The following WDR7 variants were observed in gnomAD, a reference collection of about 807,000 sequenced individuals.
WDR7 encodes the protein WD repeat-containing protein 7.
A neutral mutation model predicts 169.4 loss-of-function variants in WDR7; 46 were observed. The ratio of observed to expected loss-of-function variants is 0.27; its 90% CI spans 0.21 to 0.35. The LOEUF (loss-of-function observed/expected upper bound fraction) is 0.35. Among genes scored for constraint, WDR7 ranks in the 10% least tolerant of loss-of-function variants. The pLI is 1.00. For missense variants in WDR7, 1,534 were observed against 1,859.3 expected (o/e 0.83, Z 3.22); for synonymous variants, 612 against 666.8 (o/e 0.92, Z 1.27).
chr18:56,732,999 G>A (rs1467213636), intron 14 of WDR7, among the ~76,000 whole-genome samples: 1 of 152,114 alleles, frequency 6.6e-6, no homozygotes, highest in African/African-American at 2.4e-5. Context: ...AAAATAAGTG[G>A]TACAGTAACA....
chr18:56,902,609 A>C (rs1374577637), intron 21 of WDR7, among the ~76,000 whole-genome samples: 1 of 152,118 alleles, frequency 6.6e-6, no homozygotes, highest in African/African-American at 2.4e-5. Flanking sequence ...TGTCATATGA[A>C]ATTGCCATTT....
rs187535619 is a variant in WDR7 at position 56,897,185 on chromosome 18, A to T, written c.3526+17020A>T. 4.0e-5 allele frequency among the ~76,000 whole-genome samples: 6 copies of T among 151,730 alleles called. No individual in the cohort carries two copies. The East Asian group carries it at 1.2e-3, about 29-fold the overall frequency. ...TTGTGGAGGACTTGGAACAACCAGA[A>T]CTCTTTTATACTTATTATAAGAATG... On this transcript the variant is annotated intron_variant, in intron 21 of 27. Transcript: ENST00000254442.
intron 16 of WDR7, among the ~76,000 whole-genome samples, chr18:56,766,304 T>C (rs1026050472): frequency 3.9e-5 from 6 of 152,106 alleles, no homozygotes; most frequent in African/African-American, 1.4e-4. Context: ...TTTTGAAAAA[T>C]TTTCAATAAT....
chr18:56,997,880 A>G (rs746642367), intron 26 of WDR7, among the ~76,000 whole-genome samples: 14 of 152,178 alleles, frequency 9.2e-5, no homozygotes, highest in Non-Finnish European at 1.5e-4. Context: ...ATTCAATTAT[A>G]TGTCTCCTGA....
At chr18:57,006,515 T>G (rs887569960) in intron 26 of WDR7, among the ~76,000 whole-genome samples, 12 of 152,196 alleles carry the variant, frequency 7.9e-5, no homozygotes, top group Admixed American at 5.2e-4. Context: ...GTTTTGCTTA[T>G]CATTAGGCAG....
chr18:56,989,912 T>C (rs1211649799), intron 26 of WDR7, among the ~76,000 whole-genome samples: 1 of 152,244 alleles, frequency 6.6e-6, no homozygotes, highest in East Asian at 1.9e-4. Context: ...GATTTTAAAC[T>C]AAAATATTTA....
intron 21 of WDR7, among the ~76,000 whole-genome samples, chr18:56,922,267 T>G (rs572504511): frequency 1.3e-5 from 2 of 152,178 alleles, no homozygotes; most frequent in Non-Finnish European, 2.9e-5. Context: ...AAATAATGTG[T>G]GCACTGTGGT....
chr18:56,697,541 A>G (rs1299920527), intron 12 of WDR7, among the ~76,000 whole-genome samples: 2 of 118,584 alleles, frequency 1.7e-5, no homozygotes, highest in East Asian at 5.2e-4. Context: ...TTAATTTCTT[A>G]TTCACTGTGA....
chr18:56,841,503 G>A (rs1264134492), intron 20 of WDR7, among the ~76,000 whole-genome samples: 3 of 145,852 alleles, frequency 2.1e-5, no homozygotes, highest in Admixed American at 1.4e-4. Flanking sequence ...CCAAGATCAC[G>A]CCACTGCACT....
At chr18:56,763,414 G>A (rs979304457) in intron 16 of WDR7, among the ~76,000 whole-genome samples, 7 of 151,902 alleles carry the variant, frequency 4.6e-5, no homozygotes, top group African/African-American at 1.7e-4. Context: ...AAAGTATATT[G>A]ACTTTTAAGT....
In WDR7 at chr18:56,753,685, A is replaced by G. The variant is rs146296815; in HGVS notation, c.1990-2898A>G. On this transcript the variant is annotated intron_variant, in intron 14 of 27. Transcript: ENST00000254442. ...TAGAGTGTGATGATTTGATATACAT[A>G]TATTTGTGGAATAATAGGGTGTCGA... Among the ~76,000 whole-genome samples, 385 of 150,238 alleles carry G rather than the reference A, an allele frequency of 2.6e-3. 4 individuals are homozygous for G. Among genetic ancestry groups the G allele is most frequent in the Middle Eastern group, 0.01 (3 of 286 alleles).
chr18:56,696,524 G>T, intron 12 of WDR7, 62 bp downstream of exon 12: 1 of 1,292,680 alleles, frequency 7.7e-7, no homozygotes, highest in South Asian at 1.4e-5. Context: ...TTACTATCAG[G>T]AATGTAAATG....
At chr18:56,857,666 A>G (rs931006195) in intron 20 of WDR7, among the ~76,000 whole-genome samples, 1 of 152,162 alleles carries the variant, frequency 6.6e-6, no homozygotes, top group Non-Finnish European at 1.5e-5. Context: ...GTGTGTGTGC[A>G]TGTGTGTACA....
At chr18:56,970,401 T>C (rs2047467494) in intron 26 of WDR7, among the ~76,000 whole-genome samples, 1 of 152,218 alleles carries the variant, frequency 6.6e-6, no homozygotes, top group Non-Finnish European at 1.5e-5. Context: ...TCTGTTGTCC[T>C]ACTGATATTC....
chr18:56,939,206 A>G (rs558465169), intron 24 of WDR7, 105 bp from the exon 25 acceptor site: 4 of 697,732 alleles, frequency 5.7e-6, no homozygotes, highest in East Asian at 6.3e-5. Context: ...ACTAAAATAA[A>G]GCTATATAGA....
intron 26 of WDR7, among the ~76,000 whole-genome samples, chr18:56,997,117 C>T (rs2047909134): frequency 1.3e-5 from 2 of 151,968 alleles, no homozygotes; most frequent in South Asian, 4.1e-4. Flanking sequence ...GCATTGAGAC[C>T]TTAAAAAATC....
intron 22 of WDR7, among the ~76,000 whole-genome samples, chr18:56,928,129 A>G (rs150604858): frequency 2.0e-5 from 3 of 152,168 alleles, no homozygotes; most frequent in Non-Finnish European, 4.4e-5. Context: ...TTTATTTGTT[A>G]ATTTCTTGTA....
chr18:57,009,896 A>T, intron 26 of WDR7: 1 of 985,438 alleles, frequency 1.0e-6, no homozygotes, highest in South Asian at 4.7e-5. Context: ...GAAGATCCTG[A>T]CCTACTGCTC....
chr18:56,942,584 G>T (rs1451687374), intron 25 of WDR7, among the ~76,000 whole-genome samples: 1 of 150,880 alleles, frequency 6.6e-6, no homozygotes, highest in Non-Finnish European at 1.5e-5. Context: ...CTTTATTTCA[G>T]TGTTTAACAT....
Sources: allele counts gnomAD v4.1 joint callset (sites outside exome capture counted in the v4.1 genomes callset), GRCh38; gene constraint gnomAD v4.1.1; transcripts MANE v1.5; gene names NCBI Gene and HGNC (gene_info 2026-07-23, HGNC 2026-07-21).